TTC27: variants seen among roughly 807,000 people sequenced by gnomAD.
The protein encoded by TTC27 is tetratricopeptide repeat domain 27.
A neutral mutation model predicts 115.9 loss-of-function variants in TTC27; 79 were observed. The observed-to-expected ratio is 0.68, with a 90% confidence interval of 0.57 to 0.82. TTC27 has a LOEUF of 0.82. Among genes scored for constraint, TTC27 ranks in the 40% least tolerant of loss-of-function variants. The pLI, the probability that TTC27 is intolerant of heterozygous loss-of-function variation, is 0.00. For synonymous variants in TTC27, 401 were observed against 356.0 expected (o/e 1.13, Z -1.42); for missense variants, 1,054 against 993.1 (o/e 1.06, Z -0.82).
At chr2:32,766,587 G>A (rs1669634940) in intron 13 of TTC27, 1 of 213,556 alleles carries the variant, frequency 4.7e-6, no homozygotes. Context: ...AGTTTGTGGT[G>A]CCCCCAAACA....
intron 3 of TTC27, among the ~76,000 whole-genome samples, chr2:32,637,517 G>GTATTTATTA: frequency 6.6e-6 from 1 of 152,032 alleles, no homozygotes; most frequent in Non-Finnish European, 1.5e-5. Context: ...TTTTTTAATA[G>GTATTTATTA]AGACGGGGTT....
intron 10 of TTC27, among the ~76,000 whole-genome samples, chr2:32,728,689 G>A (rs188298595): frequency 3.3e-5 from 5 of 152,212 alleles, no homozygotes; most frequent in Non-Finnish European, 4.4e-5. Flanking sequence ...CTATTTCATC[G>A]CCTTATGACT....
chr2:32,817,561 A>C lies in TTC27; in HGVS notation c.2409+4A>C. The C allele has an allele frequency of 6.2e-7, 1 of 1,609,672 alleles. No homozygotes were observed. Among genetic ancestry groups the C allele is most frequent in the Non-Finnish European group, 8.5e-7 (1 of 1,175,980 alleles). On this transcript the variant is annotated splice_donor_region_variant and intron_variant, in intron 19 of 19. Transcript: ENST00000317907. ...GGGCTTGTTATCTAAAGCAAAGGTG[A>C]GAGTGACATGTGAATTAATTGGAAT...
chr2:32,731,422 A>C (rs1364650645), intron 10 of TTC27, among the ~76,000 whole-genome samples: 1 of 152,050 alleles, frequency 6.6e-6, no homozygotes, highest in Non-Finnish European at 1.5e-5. Flanking sequence ...TCACCCAGGC[A>C]GGAGTGCAGT....
chr2:32,758,195 A>G (rs1012403742), intron 12 of TTC27, 97 bp from the exon 13 acceptor site: 23 of 1,105,738 alleles, frequency 2.1e-5, no homozygotes, highest in Non-Finnish European at 3.0e-5. Flanking sequence ...TTGAAAATAA[A>G]AATTTGGATT....
chr2:32,650,104 T>A, intron 4 of TTC27, 27 bp from the exon 5 acceptor site: 1 of 1,567,628 alleles, frequency 6.4e-7, no homozygotes, highest in Non-Finnish European at 8.7e-7. Flanking sequence ...ATCCTTTTAT[T>A]TCAGCTTACG....
chr2:32,808,046 C>T (rs545974018), intron 16 of TTC27, among the ~76,000 whole-genome samples: 63 of 149,790 alleles, frequency 4.2e-4, no homozygotes, highest in African/African-American at 1.5e-3. Flanking sequence ...GATTCTCCTG[C>T]CTCAGCCTCC....
intron 2 of TTC27, among the ~76,000 whole-genome samples, 189 bp downstream of exon 2, chr2:32,630,889 T>A (rs1664162650): frequency 6.6e-6 from 1 of 152,336 alleles, no homozygotes; most frequent in Non-Finnish European, 1.5e-5. Context: ...AGTAAAGTGG[T>A]GCAGGATAAA....
At chr2:32,638,434 A>G (rs1416733846) in intron 3 of TTC27, among the ~76,000 whole-genome samples, 1 of 152,074 alleles carries the variant, frequency 6.6e-6, no homozygotes, top group African/African-American at 2.4e-5. Context: ...GCTGGAGTGC[A>G]GTAGCATGAT....
intron 9 of TTC27, among the ~76,000 whole-genome samples, chr2:32,698,937 G>A (rs1305802319): frequency 6.6e-6 from 1 of 152,072 alleles, no homozygotes; most frequent in East Asian, 1.9e-4. Flanking sequence ...ATGTCCTTGG[G>A]AGCATATGTT....
Position 32,703,049 on chromosome 2 carries a change from A to G in TTC27, c.1233+129A>G, listed in dbSNP as rs149180862. 749 of 698,948 alleles carry G rather than the reference A, an allele frequency of 1.1e-3. 8 individuals are homozygous for G. The East Asian group carries it at 0.011, about 10-fold the overall frequency. The allele number at this position is 698,948 out of a possible 1,614,324, so 43.3% of individuals were successfully genotyped here. A position where few individuals can be genotyped will look rare whatever the true frequency, so the allele number is the denominator to read the frequency against. ...ACTCAAATAATTTGTTACTGTTTAG[A>G]GAATAAGTTCTATAATTTAACTTCT... On this transcript the variant is annotated intron_variant, in intron 10 of 19. Transcript: ENST00000317907.
intron 9 of TTC27, among the ~76,000 whole-genome samples, chr2:32,686,851 T>TTG (rs983235388): frequency 5.3e-5 from 8 of 152,034 alleles, no homozygotes; most frequent in African/African-American, 1.9e-4. Flanking sequence ...TAGGTTTCTT[T>TTG]TGTGTGTGTG....
intron 8 of TTC27, among the ~76,000 whole-genome samples, chr2:32,678,185 G>A (rs1666283322): frequency 6.6e-6 from 1 of 151,254 alleles, no homozygotes; most frequent in Non-Finnish European, 1.5e-5. Context: ...AACTCAGGAG[G>A]TGGAGGTTGC....
intron 10 of TTC27, among the ~76,000 whole-genome samples, chr2:32,723,240 T>G (rs1667983999): frequency 6.6e-6 from 1 of 152,200 alleles, no homozygotes; most frequent in Admixed American, 6.5e-5. Flanking sequence ...ATTGAATTCA[T>G]GCTTTAGTTT....
intron 9 of TTC27, among the ~76,000 whole-genome samples, chr2:32,698,990 G>A (rs1667094030): frequency 6.6e-6 from 1 of 152,132 alleles, no homozygotes; most frequent in Non-Finnish European, 1.5e-5. Flanking sequence ...AATCTATTAG[G>A]TGGATTTTCA....
intron 9 of TTC27, among the ~76,000 whole-genome samples, chr2:32,685,015 C>CTTTT (rs70938361): frequency 8.6e-6 from 1 of 116,312 alleles, no homozygotes; most frequent in Non-Finnish European, 1.7e-5. Context: ...TTGCCTTTTC[C>CTTTT]TTTTTTTTTT....
chr2:32,638,539 C>T lies in TTC27; in HGVS notation c.397-1731C>T, dbSNP rs528239582. On this transcript the variant is annotated intron_variant, in intron 3 of 19. Coordinates refer to ENST00000317907, the MANE Select transcript of TTC27 (RefSeq NM_017735.5). ...GATTACAGGCATGTGCCACTATGCCCGGCTAATTTTTGTATTTTTAGTAGA... is the reference window on the plus strand; with the variant it reads ...GATTACAGGCATGTGCCACTATGCCTGGCTAATTTTTGTATTTTTAGTAGA... Among the ~76,000 whole-genome samples, 8 of 152,146 alleles carry T rather than the reference C, an allele frequency of 5.3e-5. 1 individual carries two copies. In the South Asian group the frequency reaches 6.2e-4, roughly 12 times the overall value.
chr2:32,808,128 T>G (rs1671197120), intron 16 of TTC27, among the ~76,000 whole-genome samples: 1 of 151,956 alleles, frequency 6.6e-6, no homozygotes, highest in Non-Finnish European at 1.5e-5. Flanking sequence ...AGAGACAGGG[T>G]TTCACCATGT....
At chr2:32,720,240 T>C (rs545800722) in intron 10 of TTC27, among the ~76,000 whole-genome samples, 2 of 152,344 alleles carry the variant, frequency 1.3e-5, no homozygotes, top group South Asian at 4.1e-4. Context: ...TGGAAAACTT[T>C]CCTTCATAAC....
Sources: gnomAD v4.1 joint callset for allele counts (sites outside exome capture counted in the v4.1 genomes callset) on GRCh38, gnomAD v4.1.1 for gene constraint, MANE v1.5 for transcripts, NCBI Gene and HGNC (gene_info 2026-07-23, HGNC 2026-07-21) for gene names.